Variants in AFF2 observed in about 807,000 individuals in gnomAD.
AFF2 encodes the protein AF4/FMR2 family member 2.
In AFF2, 14 loss-of-function variants were observed where a neutral mutation model predicts 76.9. The observed-to-expected ratio is 0.18, with a 90% CI of 0.12 to 0.28. The LOEUF (loss-of-function observed/expected upper bound fraction) is 0.28. AFF2 is among the 10% of genes least tolerant of loss of function. The probability of loss-of-function intolerance (pLI) is 1.00; values close to 1 mark genes in which losing one functional copy is unlikely to be tolerated. For synonymous variants in AFF2, 398 were observed against 366.7 expected, an observed-to-expected ratio of 1.09 and a Z score of -0.98; for missense variants, 868 against 1,001.1, an observed-to-expected ratio of 0.87 and a Z score of 1.79.
chrX:148,825,857 G>A (rs782612200), intron 4 of AFF2, among the ~76,000 whole-genome samples: 34 of 108,190 alleles, frequency 3.1e-4, no homozygotes, highest in African/African-American at 1.1e-3. Context: ...GGAAGGCAAC[G>A]TGCTGTGGCA....
chrX:148,939,747 A>T (rs898292569), intron 9 of AFF2, among the ~76,000 whole-genome samples: 1 of 112,004 alleles, frequency 8.9e-6, no homozygotes, highest in African/African-American at 3.2e-5. Flanking sequence ...CTTTCTTGGT[A>T]TTAGCCATCT....
intron 7 of AFF2, among the ~76,000 whole-genome samples, chrX:148,861,805 A>C (rs1389383865): frequency 1.8e-5 from 2 of 111,885 alleles, no homozygotes; most frequent in African/African-American, 6.5e-5. Flanking sequence ...CTGAAAATAC[A>C]TTTTAAATCA....
At chrX:148,767,509 G>A (rs1208201107) in intron 3 of AFF2, among the ~76,000 whole-genome samples, 1 of 111,940 alleles carries the variant, frequency 8.9e-6, no homozygotes, top group Non-Finnish European at 1.9e-5. Flanking sequence ...GCTTCAACCT[G>A]AATGCAAAGT....
intron 1 of AFF2, among the ~76,000 whole-genome samples, chrX:148,534,124 C>T (rs940601492): frequency 3.6e-5 from 4 of 112,131 alleles, no homozygotes; most frequent in Non-Finnish European, 7.5e-5. Context: ...TCACTTAGAA[C>T]CAAATGATTC....
chrX:148,703,523 G>A (rs1016481109), intron 3 of AFF2, among the ~76,000 whole-genome samples: 2 of 111,926 alleles, frequency 1.8e-5, no homozygotes, highest in Admixed American at 1.9e-4. Context: ...TAAAACAGTA[G>A]GTTTATTCTA....
At chrX:148,762,489 T>TGC (rs1557267406) in intron 3 of AFF2, among the ~76,000 whole-genome samples, 3 of 104,532 alleles carry the variant, frequency 2.9e-5, no homozygotes, top group Non-Finnish European at 5.8e-5. Flanking sequence ...TATGTGTGTG[T>TGC]GTGTGTGTGT....
chrX:148,987,544 A>G lies in AFF2; in HGVS notation c.3801A>G (p.Thr1267=). 2 of 1,209,258 alleles carry G rather than the reference A, an allele frequency of 1.7e-6. No individual in the cohort carries two copies. Among genetic ancestry groups the G allele is most frequent in the Non-Finnish European group, 2.2e-6 (2 of 893,608 alleles). ...ACTGGGATATGGCCGACAAACTGACAAGAGAAAACAAAGGTATGCTCATCT... is the reference window on the plus strand; with the variant it reads ...ACTGGGATATGGCCGACAAACTGACGAGAGAAAACAAAGGTATGCTCATCT... ...YEHWDMADKL[T]RENKEFFGDL... Residue 1267 remains threonine (T), a synonymous_variant, in exon 20 of 21, where the codon ACA becomes ACG. Coordinates refer to ENST00000370460, the MANE Select transcript of AFF2 (RefSeq NM_002025.4).
At chrX:148,862,662 T>C (rs1168451066) in intron 7 of AFF2, among the ~76,000 whole-genome samples, 2 of 111,542 alleles carry the variant, frequency 1.8e-5, no homozygotes, top group African/African-American at 3.3e-5. Context: ...GAGAAGCATT[T>C]ACTACATAGT....
intron 1 of AFF2, among the ~76,000 whole-genome samples, chrX:148,598,685 C>T (rs1010897799): frequency 7.1e-5 from 8 of 112,224 alleles, no homozygotes; most frequent in Admixed American, 3.8e-4. Context: ...TTTCCAGCAA[C>T]TTCCAAACAA....
At chrX:148,991,083 A>C (rs1166131109) in intron 20 of AFF2, 128 bp from the exon 21 acceptor site, 1 of 744,564 alleles carries the variant, frequency 1.3e-6, no homozygotes, top group African/African-American at 2.1e-5. Flanking sequence ...TGAATGAATG[A>C]ATGGACAAAT....
intron 3 of AFF2, among the ~76,000 whole-genome samples, chrX:148,672,985 G>A (rs1191501799): frequency 1.8e-5 from 2 of 111,329 alleles, no homozygotes; most frequent in South Asian, 3.8e-4. Flanking sequence ...TCAATTGTTT[G>A]AGCCCCTGAA....
intron 9 of AFF2, among the ~76,000 whole-genome samples, chrX:148,950,913 T>C (rs2071958260): frequency 9.0e-6 from 1 of 111,537 alleles, no homozygotes; most frequent in African/African-American, 3.3e-5. Context: ...ACAAACTCAT[T>C]TGATGATAAA....
rs782818281 is a variant in AFF2, at chrX:148,791,748, A to G, written c.1042-18128A>G. Among the ~76,000 whole-genome samples, 7 of 111,664 alleles carry G rather than the reference A, an allele frequency of 6.3e-5. No individual in the cohort carries two copies. The South Asian group carries it at 2.6e-3, about 42-fold the overall frequency. Reference sequence around the variant, plus strand: ...CCACATTGTATTTTTTGTATGATTAATTTGAAGTGATTGTATTGGCCATAG... The same window carrying G: ...CCACATTGTATTTTTTGTATGATTAGTTTGAAGTGATTGTATTGGCCATAG... On this transcript the variant is annotated intron_variant, in intron 3 of 20. Transcript: ENST00000370460.
At chrX:148,623,172 C>T (rs888652972) in intron 1 of AFF2, among the ~76,000 whole-genome samples, 4 of 111,626 alleles carry the variant, frequency 3.6e-5, no homozygotes, top group Non-Finnish European at 5.7e-5. Flanking sequence ...CAAACCATTG[C>T]TCTTTGCTGA....
At chrX:148,685,229 A>G (rs1267006205) in intron 3 of AFF2, among the ~76,000 whole-genome samples, 4 of 112,236 alleles carry the variant, frequency 3.6e-5, no homozygotes, top group African/African-American at 1.3e-4. Flanking sequence ...TGCTACCTCC[A>G]CTGGGACAGG....
intron 1 of AFF2, among the ~76,000 whole-genome samples, chrX:148,560,629 A>G (rs2053101295): frequency 8.9e-6 from 1 of 111,943 alleles, no homozygotes; most frequent in Non-Finnish European, 1.9e-5. Context: ...TTTGCAATCT[A>G]TTCATCTAAC....
At chrX:148,803,358 C>G (rs2070085615) in intron 3 of AFF2, among the ~76,000 whole-genome samples, 1 of 110,618 alleles carries the variant, frequency 9.0e-6, no homozygotes, top group Non-Finnish European at 1.9e-5. Flanking sequence ...GGAGATCTGT[C>G]CCTGTGGAAC....
At chrX:148,830,316 C>T (rs2070437933) in intron 4 of AFF2, among the ~76,000 whole-genome samples, 1 of 112,309 alleles carries the variant, frequency 8.9e-6, no homozygotes, top group African/African-American at 3.2e-5. Flanking sequence ...AGAGGCTGCA[C>T]AGCAGCCTGG....
intron 16 of AFF2, among the ~76,000 whole-genome samples, chrX:148,976,600 A>G (rs1384645064): frequency 8.9e-6 from 1 of 111,968 alleles, no homozygotes; most frequent in Non-Finnish European, 1.9e-5. Flanking sequence ...TAATGTGAAC[A>G]TAGTTTTTAG....
Sources: gnomAD v4.1 joint callset for allele counts (sites outside exome capture counted in the v4.1 genomes callset) on GRCh38, gnomAD v4.1.1 for gene constraint, MANE v1.5 for transcripts, NCBI Gene and HGNC (gene_info 2026-07-23, HGNC 2026-07-21) for gene names.